The following TLR6 variants were observed in gnomAD, a reference collection of about 807,000 sequenced individuals.
The protein encoded by TLR6 is toll like receptor 6.
Under a neutral mutation model 16.1 loss-of-function variants are expected in TLR6, and 9 were observed. The ratio of observed to expected loss-of-function variants is 0.56; its 90% confidence interval spans 0.34 to 0.98. The LOEUF is 0.98. Ranked by LOEUF, TLR6 falls within the 50% of genes least tolerant of loss-of-function variation. The probability of loss-of-function intolerance (pLI) is 0.02; values close to 1 mark genes in which losing one functional copy is unlikely to be tolerated. For synonymous variants in TLR6, 340 were observed against 338.6 expected (o/e 1.00, Z -0.04); for missense variants, 786 against 921.0 (o/e 0.85, Z 1.90).
chr4:38,850,428 A>C (rs1712721596), intron 1 of TLR6, among the ~76,000 whole-genome samples: 1 of 152,206 alleles, frequency 6.6e-6, no homozygotes, highest in Non-Finnish European at 1.5e-5. Context: ...TCAAAAAATC[A>C]ATGAATCCAG....
intron 1 of TLR6, among the ~76,000 whole-genome samples, chr4:38,836,956 A>G (rs1448322997): frequency 6.6e-6 from 1 of 151,276 alleles, no homozygotes; most frequent in Non-Finnish European, 1.5e-5. Context: ...AAAAAAAAAG[A>G]AAAAAGAAAT....
upstream of TLR6, among the ~76,000 whole-genome samples, chr4:38,858,885 A>G (rs868300933): frequency 1.3e-4 from 9 of 67,432 alleles, no homozygotes; most frequent in East Asian, 4.5e-4. Flanking sequence ...GAAAGAAAGA[A>G]AGAGAGAAAG....
Position 38,838,986 on chromosome 4 carries a change from GGA to G in TLR6, c.-64-9451_-64-9450del, listed in dbSNP as rs1250465036. ...GAAGGGGAGGAAGGAAAGAAAGGAG[GGA>G]GAGAGGGGGAGAGAGAGAAGGAGAG... On this transcript the variant is annotated intron_variant, in intron 1 of 1. Coordinates refer to ENST00000436693, the Ensembl canonical transcript of TLR6. Among the ~76,000 whole-genome samples, 9 of 135,258 alleles carry G rather than the reference GGA, an allele frequency of 6.7e-5. No individual in the cohort carries two copies. The East Asian group carries it at 9.2e-4, about 14-fold the overall frequency. 88.7% of individuals were successfully genotyped at this position (135,258 alleles called of 152,430 possible). A position where few individuals can be genotyped will look rare whatever the true frequency, so the allele number is the denominator to read the frequency against.
exon 2 of TLR6, chr4:38,823,767 G>A (rs1727412250): frequency 6.6e-6 from 1 of 152,208 alleles, no homozygotes; most frequent in Admixed American, 6.5e-5. Flanking sequence ...CAGGGAAGAT[G>A]CCTGACCCTC....
chr4:38,851,794 G>T (rs1712784945), intron 1 of TLR6, among the ~76,000 whole-genome samples: 1 of 152,102 alleles, frequency 6.6e-6, no homozygotes, highest in Admixed American at 6.6e-5. Context: ...CATGAAAATG[G>T]CCATACTGCC....
intron 1 of TLR6, among the ~76,000 whole-genome samples, chr4:38,838,462 GA>G (rs1218019742): frequency 6.6e-6 from 1 of 152,184 alleles, no homozygotes; most frequent in Non-Finnish European, 1.5e-5. Flanking sequence ...GATGGACCTG[GA>G]GGTCATTACA....
At chr4:38,836,373 C>A (rs1711919008) in intron 1 of TLR6, among the ~76,000 whole-genome samples, 2 of 151,970 alleles carry the variant, frequency 1.3e-5, no homozygotes, top group Non-Finnish European at 2.9e-5. Context: ...AAATTGGAAA[C>A]CCTACAGGAA....
intron 1 of TLR6, among the ~76,000 whole-genome samples, chr4:38,846,148 A>G (rs796867812): frequency 4.6e-5 from 7 of 152,158 alleles, no homozygotes; most frequent in African/African-American, 1.7e-4. Context: ...TTGATCCAGC[A>G]TCCCAACAAG....
intron 1 of TLR6, among the ~76,000 whole-genome samples, chr4:38,834,287 G>C (rs549672215): frequency 7.4e-4 from 104 of 140,670 alleles, no homozygotes; most frequent in Non-Finnish European, 1.2e-3. Context: ...CAGTAGACTA[G>C]ATTGAGCAAA....
chr4:38,847,315 T>C (rs1712571029), intron 1 of TLR6, among the ~76,000 whole-genome samples: 1 of 152,124 alleles, frequency 6.6e-6, no homozygotes, highest in Non-Finnish European at 1.5e-5. Flanking sequence ...GGTTCCAAGA[T>C]GGCCAAATAG....
upstream of TLR6, among the ~76,000 whole-genome samples, chr4:38,860,068 C>G (rs1713162509): frequency 6.6e-6 from 1 of 151,706 alleles, no homozygotes; most frequent in South Asian, 2.1e-4. Flanking sequence ...TGTTGTCTTT[C>G]TCCAGATAAT....
downstream of TLR6, among the ~76,000 whole-genome samples, chr4:38,823,318 A>G (rs1727399240): frequency 6.6e-6 from 1 of 152,244 alleles, no homozygotes; most frequent in African/African-American, 2.4e-5. Flanking sequence ...CCTAGAAGCA[A>G]CAGGCTATAC....
chr4:38,848,630 A>G (rs1479449974), intron 1 of TLR6, among the ~76,000 whole-genome samples: 1 of 152,250 alleles, frequency 6.6e-6, no homozygotes, highest in Non-Finnish European at 1.5e-5. Flanking sequence ...TATGTGACGA[A>G]TGCACAAGTT....
intron 1 of TLR6, among the ~76,000 whole-genome samples, chr4:38,841,182 A>C (rs778911678): frequency 3.7e-5 from 3 of 81,524 alleles, no homozygotes; most frequent in Non-Finnish European, 6.2e-5. Flanking sequence ...TGGAGGTATA[A>C]ATTTTGTAAA....
rs1727601301 is a variant in TLR6, at chr4:38,827,510, C to T, written c.1964G>A (p.Trp655Ter). 1 of 1,614,036 alleles carries T rather than the reference C, an allele frequency of 6.2e-7. No individual in the cohort carries two copies. The highest frequency in any genetic ancestry group is 1.7e-5 in the Admixed American group (1 of 60,002). The change falls in exon 2 of 2, where the codon TGG (tryptophan) becomes TAG (stop). Residue 655 changes from tryptophan to a stop codon, truncating the protein, a stop_gained. Transcript: ENST00000436693. LOFTEE classifies it high-confidence loss of function. ...GTAAGGTACCAATTCACTTTTCACC[C>T]AGGCAGAATCATGTTCACTATATGA...
chr4:38,835,946 C>A (rs1031778073), intron 1 of TLR6, among the ~76,000 whole-genome samples: 1 of 151,868 alleles, frequency 6.6e-6, no homozygotes, highest in African/African-American at 2.4e-5. Context: ...ATACAGCACA[C>A]CAAAGCCTAG....
intron 1 of TLR6, among the ~76,000 whole-genome samples, chr4:38,839,215 A>G (rs1712117352): frequency 6.6e-6 from 1 of 152,044 alleles, no homozygotes; most frequent in Non-Finnish European, 1.5e-5. Context: ...AAAGCTAAAT[A>G]CTATTTTATT....
In TLR6 at chr4:38,832,776, T is replaced by C. The variant is rs565820144; in HGVS notation, c.-64-3239A>G. Among the ~76,000 whole-genome samples, 19 of 152,156 alleles carry C rather than the reference T, an allele frequency of 1.2e-4. No homozygotes were observed. The South Asian group carries it at 1.7e-3, about 13-fold the overall frequency. The stretch of plus-strand genomic sequence containing the variant: ...GCTAGGTCCCCAGCACTCTAGCCCA[T>C]GCAATGCCCCGCATCCCAGGAAACA... On this transcript the variant is annotated intron_variant, in intron 1 of 1. Coordinates refer to ENST00000436693, the Ensembl canonical transcript of TLR6.
upstream of TLR6, among the ~76,000 whole-genome samples, chr4:38,860,644 T>C (rs1713175068): frequency 6.6e-6 from 1 of 151,970 alleles, no homozygotes; most frequent in Non-Finnish European, 1.5e-5. Context: ...ACAAATCAAT[T>C]TTAAAATGAC....
Sources: allele counts gnomAD v4.1 joint callset (sites outside exome capture counted in the v4.1 genomes callset), GRCh38; gene constraint gnomAD v4.1.1; transcripts MANE v1.5; gene names NCBI Gene and HGNC (gene_info 2026-07-23, HGNC 2026-07-21).